Variants in CTDP1 observed in about 807,000 individuals in gnomAD.
CTDP1 encodes CTD phosphatase 1, also known as RNA polymerase II subunit A C-terminal domain phosphatase.
A neutral mutation model predicts 91.8 loss-of-function variants in CTDP1; 47 were observed. The observed-to-expected ratio is 0.51, with a 90% CI of 0.41 to 0.65. CTDP1 has a LOEUF of 0.65. CTDP1 is among the 30% of genes least tolerant of loss of function. The pLI is 0.00. For missense variants in CTDP1, 1,272 were observed against 1,373.7 expected (o/e 0.93, Z 1.17); for synonymous variants, 656 against 598.5 (o/e 1.10, Z -1.40).
intron 11 of CTDP1, 125 bp downstream of exon 11, chr18:79,729,194 T>C (rs2086514560): frequency 4.0e-6 from 5 of 1,245,764 alleles, no homozygotes; most frequent in Admixed American, 3.5e-5. Flanking sequence ...ACTTGTGTAG[T>C]TGTGTCTGGT....
At chr18:79,698,082 TC>T in intron 4 of CTDP1, 94 bp downstream of exon 4, 1 of 1,529,976 alleles carries the variant, frequency 6.5e-7, no homozygotes, top group Non-Finnish European at 8.9e-7. Context: ...TTAGATGATT[TC>T]CCGTAGGTCA....
At chr18:79,700,496 C>G (rs1369883350) in intron 4 of CTDP1, among the ~76,000 whole-genome samples, 1 of 152,180 alleles carries the variant, frequency 6.6e-6, no homozygotes, top group Non-Finnish European at 1.5e-5. Context: ...AAGCCTAATC[C>G]AGAGCAAGGC....
intron 5 of CTDP1, among the ~76,000 whole-genome samples, chr18:79,705,241 G>A: frequency 6.6e-6 from 1 of 152,138 alleles, no homozygotes; most frequent in Non-Finnish European, 1.5e-5. Flanking sequence ...ACTTTGGGCC[G>A]GGCTGCTTGT....
In CTDP1 at chr18:79,714,694, GC is replaced by G. The variant is rs1480119278; in HGVS notation, c.1239del (p.Thr414ProfsTer226). 3.7e-6 allele frequency: 6 copies of G among 1,609,186 alleles called. No individual in the cohort carries two copies. The highest frequency in any genetic ancestry group is 5.1e-6 in the Non-Finnish European group (6 of 1,178,406). On this transcript the variant is annotated frameshift_variant, in exon 8 of 13. Transcript: ENST00000613122. LOFTEE classifies it high-confidence loss of function. ...DERDIWPPAQAPTSSQELAGA... is the reference protein window; with the variant it reads ...DERDIWPPAQXPTSSQELAGA... ...GAGGGACATCTGGCCCCCTGCCCAG[GC>G]CCCCACCAGCAGCCAAGAGCTGGCA...
At chr18:79,707,319 G>C (rs756234182) in intron 5 of CTDP1, among the ~76,000 whole-genome samples, 2 of 152,204 alleles carry the variant, frequency 1.3e-5, no homozygotes, top group Admixed American at 1.3e-4. Context: ...TTCTTTATCA[G>C]CCTGAAAGCT....
chr18:79,717,436 G>A (rs2122652024), intron 8 of CTDP1, 99 bp from the exon 9 acceptor site: 15 of 1,548,570 alleles, frequency 9.7e-6, no homozygotes, highest in Non-Finnish European at 1.3e-5. Flanking sequence ...AGCCCTGGTG[G>A]GGTACAGCCA....
At chr18:79,682,405 G>A (rs1454552032) in intron 1 of CTDP1, among the ~76,000 whole-genome samples, 2 of 152,224 alleles carry the variant, frequency 1.3e-5, no homozygotes, top group African/African-American at 4.8e-5. Context: ...TGGTGGCTTT[G>A]CTGACGTCTC....
Position 79,679,926 on chromosome 18 carries a change from G to A in CTDP1, c.-22G>A. ...GCGCAGCGCAGGCCCCGTACCGACC[G>A]CCCGCCCGCCCTCTGTCCGCGATGG... On this transcript the variant is annotated 5_prime_UTR_variant, in exon 1 of 13. Transcript: ENST00000613122. The A allele has an allele frequency of 7.3e-7, 1 of 1,370,334 alleles. No homozygotes were observed. Among genetic ancestry groups the A allele is most frequent in the Non-Finnish European group, 9.5e-7 (1 of 1,056,716 alleles). The allele number at this position is 1,370,334 out of a possible 1,614,324, so 84.9% of individuals were successfully genotyped here. A position where few individuals can be genotyped will look rare whatever the true frequency, so the allele number is the denominator to read the frequency against.
chr18:79,742,721 G>T (rs188926688), intron 12 of CTDP1, among the ~76,000 whole-genome samples: 222 of 152,342 alleles, frequency 1.5e-3, no homozygotes, highest in African/African-American at 5.1e-3. Flanking sequence ...ACTTTAGGAT[G>T]CCGAGGTGGG....
At chr18:79,705,972 C>T in intron 5 of CTDP1, among the ~76,000 whole-genome samples, 1 of 152,328 alleles carries the variant, frequency 6.6e-6, no homozygotes, top group African/African-American at 2.4e-5. Flanking sequence ...TTGCTCACTT[C>T]CTCGGGCCAG....
At chr18:79,701,294 A>T (rs766752899) in intron 4 of CTDP1, among the ~76,000 whole-genome samples, 51 of 152,074 alleles carry the variant, frequency 3.4e-4, no homozygotes, top group Non-Finnish European at 6.8e-4. Context: ...GTGGATCACG[A>T]GGTCAGGAGA....
rs115044443 is a variant in CTDP1, at chr18:79,695,227, C to T, written c.317C>T (p.Ala106Val). 0.014 allele frequency: 22,099 copies of T among 1,613,720 alleles called. 226 individuals are homozygous for T. The highest frequency in any genetic ancestry group is 0.051 in the African/African-American group (3,817 of 74,952). Reference sequence around the variant, plus strand: ...GTTCCCCTTGTGTTTTTTTGTAGAGCGGTTCTGGTGAGGTTGGAAGGATGC... The same window carrying T: ...GTTCCCCTTGTGTTTTTTTGTAGAGTGGTTCTGGTGAGGTTGGAAGGATGC... ...AQPGQVVAPG[A>V]VLVRLEGCSH... The change falls in exon 2 of 13, where the codon GCG (alanine) becomes GTG (valine). Residue 106 changes from alanine (A) to valine (V), a missense_variant and splice_region_variant. Around this residue, in one of 3 missense-constraint regions of CTDP1, gnomAD observed 214 missense variants for 179.1 expected, o/e 1.19. Coordinates refer to ENST00000613122, the MANE Select transcript of CTDP1 (RefSeq NM_004715.5).
chr18:79,711,165 T>C (rs1261141622), intron 6 of CTDP1, among the ~76,000 whole-genome samples: 1 of 152,146 alleles, frequency 6.6e-6, no homozygotes, highest in Non-Finnish European at 1.5e-5. Flanking sequence ...TCTGTCATCC[T>C]CTCTGCCTCA....
intron 5 of CTDP1, among the ~76,000 whole-genome samples, chr18:79,710,108 A>G (rs1344416106): frequency 1.3e-5 from 2 of 152,152 alleles, no homozygotes; most frequent in Non-Finnish European, 2.9e-5. Flanking sequence ...CAAATTTTTC[A>G]TGTTAGTAGA....
At chr18:79,692,975 G>T (rs1289688989) in intron 1 of CTDP1, among the ~76,000 whole-genome samples, 1 of 152,242 alleles carries the variant, frequency 6.6e-6, no homozygotes, top group African/African-American at 2.4e-5. Flanking sequence ...GGGAGGACTG[G>T]GTTTGGGTGT....
At chr18:79,724,907 C>T (rs1372066273) in intron 10 of CTDP1, among the ~76,000 whole-genome samples, 2 of 152,174 alleles carry the variant, frequency 1.3e-5, no homozygotes, top group Non-Finnish European at 2.9e-5. Context: ...TCTGCCGCAG[C>T]GTCTCGAGGG....
rs777803105 is a variant in CTDP1 at position 79,714,636 on chromosome 18, G to A, written c.1176G>A (p.Pro392=). 28 of 1,612,266 alleles carry A rather than the reference G, an allele frequency of 1.7e-5. 1 individual carries two copies. Among genetic ancestry groups the A allele is most frequent in the South Asian group, 8.8e-5 (8 of 91,052 alleles). ...TGAACGGCAGCGAGGCCGCCACCCC[G>A]CGGGACTCACCCCGCCCCGGGAAGC... ...RELNGSEAAT[P]RDSPRPGKPD... is the part of the protein sequence containing the mutation. The change falls in exon 8 of 13, where the codon CCG becomes CCA. Residue 392 remains proline (P), a synonymous_variant. Coordinates refer to ENST00000613122, the MANE Select transcript of CTDP1 (RefSeq NM_004715.5).
At chr18:79,743,418 C>G (rs1360037459) in intron 12 of CTDP1, among the ~76,000 whole-genome samples, 1 of 150,456 alleles carries the variant, frequency 6.6e-6, no homozygotes, top group Admixed American at 6.7e-5. Context: ...CCCAGCTACT[C>G]AGGAGGCTGA....
At chr18:79,720,265 C>T (rs1005845922) in intron 10 of CTDP1, among the ~76,000 whole-genome samples, 9 of 149,008 alleles carry the variant, frequency 6.0e-5, no homozygotes, top group African/African-American at 2.2e-4. Flanking sequence ...CACCTCCCAT[C>T]ATTAGGAGGG....
Sources: allele counts gnomAD v4.1 joint callset (sites outside exome capture counted in the v4.1 genomes callset), GRCh38; gene constraint gnomAD v4.1.1; regional missense constraint gnomAD v4.1.1; transcripts MANE v1.5; gene names NCBI Gene and HGNC (gene_info 2026-07-23, HGNC 2026-07-21).